The following PCSK5 variants were observed in gnomAD, a reference collection of about 807,000 sequenced individuals.
PCSK5 encodes proprotein convertase subtilisin/kexin type 5.
PCSK5 carries 129 observed loss-of-function variants against 233.2 expected under a neutral mutation model. That is an observed-to-expected ratio of 0.55 (90% CI 0.48 to 0.64). PCSK5 has a LOEUF of 0.64. Ranked by LOEUF, PCSK5 falls within the 30% of genes least tolerant of loss-of-function variation. The pLI is 0.00. For synonymous variants in PCSK5, 825 were observed against 879.2 expected, an observed-to-expected ratio of 0.94 and a Z score of 1.09; for missense variants, 2,076 against 2,430.1, an observed-to-expected ratio of 0.85 and a Z score of 3.06.
intron 20 of PCSK5, among the ~76,000 whole-genome samples, chr9:76,226,553 A>T (rs35995787): frequency 0.083 from 12,655 of 152,192 alleles, 688 homozygotes; most frequent in Admixed American, 0.13. Context: ...CAGTGTTCAG[A>T]CATGGCTTAT....
chr9:75,940,323 G>T (rs1416673812), intron 2 of PCSK5, among the ~76,000 whole-genome samples: 1 of 152,110 alleles, frequency 6.6e-6, no homozygotes, highest in East Asian at 1.9e-4. Context: ...TTATTCTCTT[G>T]GAAAAGCAAT....
chr9:75,982,672 A>G (rs570017947), intron 2 of PCSK5, among the ~76,000 whole-genome samples: 31 of 149,294 alleles, frequency 2.1e-4, no homozygotes, highest in Middle Eastern at 3.6e-3. Context: ...AACTGTCTCT[A>G]TATTAGGGAG....
intron 5 of PCSK5, among the ~76,000 whole-genome samples, chr9:76,056,558 A>G (rs945403274): frequency 1.3e-5 from 2 of 152,214 alleles, no homozygotes; most frequent in Admixed American, 6.5e-5. Context: ...TCTTCTCAAT[A>G]AGGTATCCCA....
intron 30 of PCSK5, among the ~76,000 whole-genome samples, chr9:76,316,740 CAAAA>C (rs58485029): frequency 0.066 from 4,193 of 63,892 alleles, 35 homozygotes; most frequent in African/African-American, 0.11. Context: ...CTTGTCTCAC[CAAAA>C]AAAAAAAAAA....
At chr9:76,330,644 G>A (rs1362400585) in intron 33 of PCSK5, among the ~76,000 whole-genome samples, 4 of 152,072 alleles carry the variant, frequency 2.6e-5, no homozygotes, top group Non-Finnish European at 1.5e-5. Flanking sequence ...AAAAAAAAAT[G>A]TTTTAAAGAC....
At chr9:75,968,296 G>T (rs185059971) in intron 2 of PCSK5, among the ~76,000 whole-genome samples, 2 of 152,202 alleles carry the variant, frequency 1.3e-5, no homozygotes, top group South Asian at 2.1e-4. Flanking sequence ...TTCAACCGAC[G>T]CAAGGTCTTG....
intron 31 of PCSK5, among the ~76,000 whole-genome samples, chr9:76,322,449 T>A (rs1272250077): frequency 2.0e-5 from 3 of 152,186 alleles, no homozygotes; most frequent in Non-Finnish European, 4.4e-5. Flanking sequence ...CTGTTCAATT[T>A]TCTCTCCAGA....
chr9:75,895,998 C>G (rs1825785648), intron 1 of PCSK5, among the ~76,000 whole-genome samples: 1 of 152,076 alleles, frequency 6.6e-6, no homozygotes, highest in African/African-American at 2.4e-5. Context: ...ATTGTGCTTG[C>G]CTAATAAATT....
chr9:76,138,656 A>G (rs1823078514), intron 10 of PCSK5, among the ~76,000 whole-genome samples: 1 of 152,096 alleles, frequency 6.6e-6, no homozygotes, highest in Admixed American at 6.6e-5. Flanking sequence ...TGCATGCAAC[A>G]TCAGTGATCT....
At chr9:76,048,130 C>A (rs1399072109) in intron 5 of PCSK5, among the ~76,000 whole-genome samples, 1 of 152,166 alleles carries the variant, frequency 6.6e-6, no homozygotes, top group Admixed American at 6.5e-5. Flanking sequence ...GTGATGGAAG[C>A]TGTTCTTAAA....
chr9:76,281,376 C>A (rs1357051025), intron 24 of PCSK5, among the ~76,000 whole-genome samples: 2 of 152,208 alleles, frequency 1.3e-5, no homozygotes, highest in African/African-American at 4.8e-5. Flanking sequence ...ATCCTAGGCC[C>A]TTAAGAATTA....
In PCSK5 at chr9:75,949,750, T is replaced by C. The variant is rs547371660; in HGVS notation, c.297+17267T>C. Reference sequence around the variant, plus strand: ...AACATGTTGGCCAGAATGGTCTCGATATCTTGACTGTGATCCGCCCACCTC... The same window carrying C: ...AACATGTTGGCCAGAATGGTCTCGACATCTTGACTGTGATCCGCCCACCTC... On this transcript the variant is annotated intron_variant, in intron 2 of 37. Transcript: ENST00000674117. 5.3e-5 allele frequency among the ~76,000 whole-genome samples: 8 copies of C among 152,124 alleles called. No individual in the cohort carries two copies. In the East Asian group the frequency reaches 9.7e-4, roughly 18 times the overall value.
At chr9:76,302,763 T>G (rs1408837842) in intron 28 of PCSK5, among the ~76,000 whole-genome samples, 1 of 152,148 alleles carries the variant, frequency 6.6e-6, no homozygotes. Context: ...TGTGAATAGA[T>G]ACAGCTTGTA....
intron 3 of PCSK5, among the ~76,000 whole-genome samples, chr9:76,023,328 C>A (rs1051937071): frequency 2.6e-5 from 4 of 152,064 alleles, no homozygotes; most frequent in African/African-American, 9.7e-5. Context: ...TGTTTTTACA[C>A]TAGTAGACAA....
chr9:76,227,364 G>A, intron 20 of PCSK5, 139 bp from the exon 21 acceptor site: 2 of 633,042 alleles, frequency 3.2e-6, no homozygotes, highest in East Asian at 2.7e-5. Context: ...ACTAGCAGCT[G>A]AAGCCATTCA....
At chr9:76,214,292 A>ACC in intron 20 of PCSK5, among the ~76,000 whole-genome samples, 1 of 117,622 alleles carries the variant, frequency 8.5e-6, no homozygotes, top group South Asian at 2.5e-4. Context: ...CCCCACATTC[A>ACC]CTCACACACA....
intron 9 of PCSK5, among the ~76,000 whole-genome samples, chr9:76,113,547 A>G (rs1308253050): frequency 6.6e-6 from 1 of 152,140 alleles, no homozygotes; most frequent in Non-Finnish European, 1.5e-5. Flanking sequence ...TTTGGGATAC[A>G]GTGACTGTGA....
chr9:76,337,276 G>C (rs1272389368), intron 34 of PCSK5, among the ~76,000 whole-genome samples: 3 of 151,266 alleles, frequency 2.0e-5, no homozygotes, highest in Non-Finnish European at 4.4e-5. Context: ...CAATTCTCAT[G>C]CCTCAGCCAC....
chr9:76,284,668 G>T (rs937064760), intron 24 of PCSK5, among the ~76,000 whole-genome samples: 7 of 151,770 alleles, frequency 4.6e-5, no homozygotes, highest in Non-Finnish European at 7.4e-5. Flanking sequence ...AAGTAGCTGG[G>T]ATTACAGACA....
Sources: allele counts gnomAD v4.1 joint callset (sites outside exome capture counted in the v4.1 genomes callset), GRCh38; gene constraint gnomAD v4.1.1; transcripts MANE v1.5; gene names NCBI Gene and HGNC (gene_info 2026-07-23, HGNC 2026-07-21).